The following LRP1B variants were observed in gnomAD, a reference collection of about 807,000 sequenced individuals.
LRP1B encodes LDL receptor related protein 1B, also known as low-density lipoprotein receptor-related protein 1B.
LRP1B carries 217 observed loss-of-function variants against 556.6 expected under a neutral mutation model. That is an observed-to-expected ratio of 0.39 (90% CI 0.35 to 0.44). The LOEUF is 0.44. Among genes scored for constraint, LRP1B ranks in the 20% least tolerant of loss-of-function variants. The pLI is 1.00. For missense variants in LRP1B, 5,053 were observed against 5,620.8 expected (o/e 0.90, Z 3.23); for synonymous variants, 2,047 against 1,865.8 (o/e 1.10, Z -2.50).
intron 2 of LRP1B, among the ~76,000 whole-genome samples, chr2:141,809,229 C>T (rs1245499362): frequency 6.6e-6 from 1 of 152,032 alleles, no homozygotes; most frequent in Non-Finnish European, 1.5e-5. Context: ...CTTAAAAGGA[C>T]GTCAAACATA....
intron 1 of LRP1B, among the ~76,000 whole-genome samples, chr2:141,987,038 G>T (rs1702211311): frequency 6.6e-6 from 1 of 152,004 alleles, no homozygotes; most frequent in East Asian, 1.9e-4. Flanking sequence ...TACTTCATGA[G>T]TTATAGCTCC....
chr2:141,065,041 T>A (rs1001414968), intron 7 of LRP1B, among the ~76,000 whole-genome samples: 1 of 151,922 alleles, frequency 6.6e-6, no homozygotes, highest in African/African-American at 2.4e-5. Flanking sequence ...GCCCTTATCC[T>A]TAGTCTTTGC....
intron 41 of LRP1B, among the ~76,000 whole-genome samples, chr2:140,608,567 A>T (rs944680624): frequency 1.3e-5 from 2 of 152,226 alleles, no homozygotes; most frequent in African/African-American, 2.4e-5. Context: ...TTCCCAAATC[A>T]AACATGTTTG....
intron 83 of LRP1B, among the ~76,000 whole-genome samples, chr2:140,310,583 G>T (rs990532736): frequency 1.1e-4 from 17 of 151,556 alleles, no homozygotes; most frequent in Non-Finnish European, 1.9e-4. Flanking sequence ...GAGAACCCAG[G>T]AATAAAGCTA....
intron 32 of LRP1B, among the ~76,000 whole-genome samples, chr2:140,777,010 A>T (rs1307869576): frequency 1.3e-5 from 2 of 152,212 alleles, no homozygotes; most frequent in Non-Finnish European, 2.9e-5. Context: ...TACATATTTC[A>T]TCTCCCTATC....
chr2:140,449,397 T>C (rs947951355), intron 63 of LRP1B, among the ~76,000 whole-genome samples: 17 of 152,138 alleles, frequency 1.1e-4, no homozygotes, highest in African/African-American at 4.1e-4. Context: ...ATAGGTTTTT[T>C]GAAAAGAATA....
rs73964712 is a variant in LRP1B, at chr2:140,842,476, C to A, written c.4940-1384G>T. Among the ~76,000 whole-genome samples the A allele has an allele frequency of 8.6e-3, 1,303 of 152,306 alleles. 22 individuals are homozygous for A. The highest frequency in any genetic ancestry group is 0.029 in the African/African-American group (1,225 of 41,570). On this transcript the variant is annotated intron_variant, in intron 29 of 90. Coordinates refer to ENST00000389484, the MANE Select transcript of LRP1B (RefSeq NM_018557.3). Reference sequence around the variant, plus strand: ...GTTCCAGTTCTCTTCAAATCAAGAACCCTCTCACTCTGCAAATTACTTTTC... The same window carrying A: ...GTTCCAGTTCTCTTCAAATCAAGAAACCTCTCACTCTGCAAATTACTTTTC...
At chr2:141,776,500 C>T (rs953409216) in intron 2 of LRP1B, among the ~76,000 whole-genome samples, 1 of 152,126 alleles carries the variant, frequency 6.6e-6, no homozygotes, top group African/African-American at 2.4e-5. Context: ...GCTCTATGTT[C>T]CTGAACAGTA....
intron 29 of LRP1B, among the ~76,000 whole-genome samples, 193 bp downstream of exon 29, chr2:140,849,909 A>C (rs1692405117): frequency 6.6e-6 from 1 of 152,032 alleles, no homozygotes. Context: ...TCTAATTATC[A>C]GTCTGCTCTG....
chr2:140,380,198 G>A (rs533021679), intron 67 of LRP1B, among the ~76,000 whole-genome samples: 17 of 152,204 alleles, frequency 1.1e-4, no homozygotes, highest in Admixed American at 7.9e-4. Context: ...ATCACAGAGC[G>A]TACAGAAGAG....
chr2:140,244,325 C>T (rs1263553535), intron 87 of LRP1B, among the ~76,000 whole-genome samples: 2 of 151,266 alleles, frequency 1.3e-5, no homozygotes, highest in African/African-American at 2.4e-5. Context: ...GACCCCCTAA[C>T]AGATATCTTG....
At chr2:140,236,234 T>C (rs541709634) in intron 89 of LRP1B, among the ~76,000 whole-genome samples, 1 of 151,078 alleles carries the variant, frequency 6.6e-6, no homozygotes, top group East Asian at 2.0e-4. Context: ...AGAACTAGAC[T>C]GAATATGTGG....
chr2:141,348,036 C>T (rs1329111425), intron 3 of LRP1B, among the ~76,000 whole-genome samples: 1 of 152,058 alleles, frequency 6.6e-6, no homozygotes, highest in Non-Finnish European at 1.5e-5. Context: ...GTCTTTTATA[C>T]CACAACAGAC....
chr2:141,892,497 T>C (rs1201036686), intron 1 of LRP1B, among the ~76,000 whole-genome samples: 1 of 39,800 alleles, frequency 2.5e-5, no homozygotes, highest in African/African-American at 6.2e-5. Context: ...TACACAATAA[T>C]GCATTGAAGC....
At chr2:141,708,165 C>T (rs559364943) in intron 2 of LRP1B, among the ~76,000 whole-genome samples, 22 of 152,090 alleles carry the variant, frequency 1.4e-4, no homozygotes, top group Non-Finnish European at 2.5e-4. Context: ...TAATGGCACA[C>T]GTTTACCTAT....
At chr2:141,548,553 C>A (rs781572334) in intron 2 of LRP1B, among the ~76,000 whole-genome samples, 1 of 152,168 alleles carries the variant, frequency 6.6e-6, no homozygotes, top group African/African-American at 2.4e-5. Flanking sequence ...TACTGTTCTG[C>A]TGAGATAACA....
intron 2 of LRP1B, among the ~76,000 whole-genome samples, chr2:141,705,202 A>C (rs926570475): frequency 2.6e-5 from 4 of 151,998 alleles, no homozygotes; most frequent in Non-Finnish European, 5.9e-5. Flanking sequence ...ATACACTTTA[A>C]CTGCCTATCT....
chr2:140,462,286 C>T (rs1391012432), intron 60 of LRP1B, among the ~76,000 whole-genome samples: 2 of 152,146 alleles, frequency 1.3e-5, no homozygotes, highest in Non-Finnish European at 2.9e-5. Flanking sequence ...TTTTTAATCC[C>T]TTCCAATCTC....
chr2:141,574,605 G>A (rs1010485726), intron 2 of LRP1B, among the ~76,000 whole-genome samples: 3 of 152,028 alleles, frequency 2.0e-5, no homozygotes, highest in African/African-American at 4.8e-5. Flanking sequence ...ATTCTGGCCA[G>A]GGCAATCAGG....
Sources: gnomAD v4.1 joint callset for allele counts (sites outside exome capture counted in the v4.1 genomes callset) on GRCh38, gnomAD v4.1.1 for gene constraint, MANE v1.5 for transcripts, NCBI Gene and HGNC (gene_info 2026-07-23, HGNC 2026-07-21) for gene names.